Variants in RAB2A observed in about 807,000 individuals in gnomAD.
The protein encoded by RAB2A is RAB2A, member RAS oncogene family.
A neutral mutation model predicts 32.5 loss-of-function variants in RAB2A; 7 were observed. That is an observed-to-expected ratio of 0.22 (90% CI 0.12 to 0.40). The LOEUF (loss-of-function observed/expected upper bound fraction) is 0.40. RAB2A is among the 10% of genes least tolerant of loss of function. The pLI is 1.00. For synonymous variants in RAB2A, 79 were observed against 85.2 expected, an observed-to-expected ratio of 0.93 and a Z score of 0.40; for missense variants, 108 against 260.7, an observed-to-expected ratio of 0.41 and a Z score of 4.03.
chr8:60,552,001 G>GTTTTTTTTTTTTTTTTTTTTTTTTT (rs78161048), intron 1 of RAB2A: 5 of 109,752 alleles, frequency 4.6e-5, no homozygotes, highest in African/African-American at 1.1e-4. Context: ...GTAGCTGGGA[G>GTTTTTTTTTTTTTTTTTTTTTTTTT]TTTTTTTTTT....
intron 5 of RAB2A, among the ~76,000 whole-genome samples, chr8:60,591,092 GTAA>G (rs1203000646): frequency 2.0e-5 from 3 of 147,980 alleles, no homozygotes; most frequent in East Asian, 1.9e-4. Context: ...GTATAAACAT[GTAA>G]TAATAAATAA....
intron 1 of RAB2A, among the ~76,000 whole-genome samples, chr8:60,540,379 G>A (rs1045854802): frequency 1.3e-5 from 2 of 151,990 alleles, no homozygotes; most frequent in African/African-American, 2.4e-5. Flanking sequence ...GTTTAGTGAA[G>A]GATATCATAG....
At chr8:60,559,685 T>A (rs1012861883) in intron 2 of RAB2A, among the ~76,000 whole-genome samples, 4 of 152,252 alleles carry the variant, frequency 2.6e-5, no homozygotes, top group African/African-American at 9.6e-5. Context: ...GGATTATTCT[T>A]CTGTGGCTGT....
At chr8:60,596,736 AG>A (rs1804035952) in intron 6 of RAB2A, among the ~76,000 whole-genome samples, 1 of 152,128 alleles carries the variant, frequency 6.6e-6, no homozygotes, top group Non-Finnish European at 1.5e-5. Flanking sequence ...CCTGGCTAAC[AG>A]GGTGAAACCC....
At chr8:60,576,450 T>C (rs1803631603) in intron 3 of RAB2A, among the ~76,000 whole-genome samples, 2 of 152,168 alleles carry the variant, frequency 1.3e-5, no homozygotes, top group South Asian at 2.1e-4. Flanking sequence ...CCAAAAAAAA[T>C]TGTAATATGG....
rs920587521 is a variant in RAB2A, at chr8:60,604,656, C to G, written c.474+12687C>G. Among the ~76,000 whole-genome samples, 4 of 152,158 alleles carry G rather than the reference C, an allele frequency of 2.6e-5. No individual in the cohort carries two copies. In the South Asian group the frequency reaches 8.3e-4, roughly 31 times the overall value. On this transcript the variant is annotated intron_variant, in intron 6 of 7. Coordinates refer to ENST00000262646, the MANE Select transcript of RAB2A (RefSeq NM_002865.3). ...GAAGCTGGCTGCGTTGTGCCCCTGC[C>G]CTAGGGACCTGTGGAACTTGGAACT... is the stretch of plus-strand genomic sequence containing the variant.
chr8:60,520,670 C>T (rs1215762554), intron 1 of RAB2A, among the ~76,000 whole-genome samples: 1 of 152,210 alleles, frequency 6.6e-6, no homozygotes, highest in Non-Finnish European at 1.5e-5. Context: ...AATCCTACCA[C>T]TCCCTGTTGC....
At chr8:60,610,885 A>G (rs1001737345) in intron 6 of RAB2A, among the ~76,000 whole-genome samples, 13 of 152,208 alleles carry the variant, frequency 8.5e-5, no homozygotes, top group Non-Finnish European at 2.9e-5. Context: ...ATCTACCAAG[A>G]GTTTCCCACT....
At chr8:60,556,733 A>T (rs938832868) in intron 1 of RAB2A, among the ~76,000 whole-genome samples, 1 of 152,052 alleles carries the variant, frequency 6.6e-6, no homozygotes, top group African/African-American at 2.4e-5. Flanking sequence ...TATTTAACCA[A>T]CACTTAGTCA....
intron 6 of RAB2A, among the ~76,000 whole-genome samples, chr8:60,616,759 A>C (rs1013923666): frequency 1.3e-5 from 2 of 152,322 alleles, no homozygotes; most frequent in East Asian, 1.9e-4. Context: ...GCATATTCAT[A>C]TCTCTGTGCT....
chr8:60,570,458 T>C (rs1808181233), intron 2 of RAB2A, among the ~76,000 whole-genome samples: 1 of 152,178 alleles, frequency 6.6e-6, no homozygotes, highest in South Asian at 2.1e-4. Flanking sequence ...AGCTGGTTTC[T>C]TCCCTCAACT....
chr8:60,528,271 C>T (rs773207889), intron 1 of RAB2A, among the ~76,000 whole-genome samples: 1 of 152,168 alleles, frequency 6.6e-6, no homozygotes, highest in Non-Finnish European at 1.5e-5. Flanking sequence ...CTTTCTGAGT[C>T]TTTGTGTCGT....
intron 6 of RAB2A, among the ~76,000 whole-genome samples, chr8:60,597,339 A>G (rs950745223): frequency 1.3e-5 from 2 of 152,200 alleles, no homozygotes; most frequent in Non-Finnish European, 1.5e-5. Flanking sequence ...AAACTAACAC[A>G]GAAATAGAAA....
At chr8:60,547,853 G>T (rs1169552065) in intron 1 of RAB2A, among the ~76,000 whole-genome samples, 1 of 120,170 alleles carries the variant, frequency 8.3e-6, no homozygotes, top group Admixed American at 7.9e-5. Context: ...CCTCCCTCCT[G>T]GACGGGGCGG....
chr8:60,535,829 C>CTCAA (rs1807548000), intron 1 of RAB2A, among the ~76,000 whole-genome samples: 1 of 152,142 alleles, frequency 6.6e-6, no homozygotes, highest in Non-Finnish European at 1.5e-5. Flanking sequence ...TGTATTGTCT[C>CTCAA]TTGATGGTCC....
chr8:60,557,451 GT>G (rs1481261998), intron 1 of RAB2A, among the ~76,000 whole-genome samples: 1 of 152,142 alleles, frequency 6.6e-6, no homozygotes, highest in African/African-American at 2.4e-5. Context: ...GGGAGACGGA[GT>G]TTGCAGTGAG....
chr8:60,580,659 G>T, intron 3 of RAB2A, among the ~76,000 whole-genome samples: 1 of 152,082 alleles, frequency 6.6e-6, no homozygotes, highest in East Asian at 1.9e-4. Context: ...ATTTTGTAGT[G>T]GGCAGAAGTC....
chr8:60,520,649 AGAGTTTAACAAAT>A (rs916947104), intron 1 of RAB2A, among the ~76,000 whole-genome samples: 3 of 152,156 alleles, frequency 2.0e-5, no homozygotes, highest in African/African-American at 7.2e-5. Context: ...CATTCTTTTG[AGAGTTTAACAAAT>A]CCTACCACTC....
At chr8:60,532,968 T>C (rs1055742494) in intron 1 of RAB2A, among the ~76,000 whole-genome samples, 7 of 152,264 alleles carry the variant, frequency 4.6e-5, no homozygotes, top group Non-Finnish European at 7.3e-5. Context: ...AGAGCTAATA[T>C]GTAATTTGGA....
Sources: gnomAD v4.1 joint callset for allele counts (sites outside exome capture counted in the v4.1 genomes callset) on GRCh38, gnomAD v4.1.1 for gene constraint, MANE v1.5 for transcripts, NCBI Gene and HGNC (gene_info 2026-07-23, HGNC 2026-07-21) for gene names.